The following SEMA4A variants were observed in gnomAD, a reference collection of about 807,000 sequenced individuals.
SEMA4A encodes the protein semaphorin 4A.
SEMA4A carries 52 observed loss-of-function variants against 72.5 expected under a neutral mutation model. The ratio of observed to expected loss-of-function variants is 0.72; its 90% CI spans 0.57 to 0.90. SEMA4A has a LOEUF of 0.90. Among genes scored for constraint, SEMA4A ranks in the 40% least tolerant of loss-of-function variants. The pLI, the probability that SEMA4A is intolerant of heterozygous loss-of-function variation, is 0.00. For missense variants in SEMA4A, 926 were observed against 959.7 expected (o/e 0.96, Z 0.46); for synonymous variants, 369 against 393.1 (o/e 0.94, Z 0.73).
chr1:156,158,698 C>G (rs145205202), intron 5 of SEMA4A, 21 bp from the exon 6 acceptor site: 3 of 1,592,290 alleles, frequency 1.9e-6, no homozygotes, highest in Non-Finnish European at 8.6e-7. Context: ...TTCTGGCCCC[C>G]CAGCCTCTCT....
chr1:156,162,913 C>A, intron 9 of SEMA4A, 31 bp from the exon 10 acceptor site: 1 of 1,612,518 alleles, frequency 6.2e-7, no homozygotes, highest in South Asian at 1.1e-5. Context: ...TGGCAGAGAC[C>A]ACAGACAATG....
At chr1:156,159,131 T>C in intron 6 of SEMA4A, 1 of 397,128 alleles carries the variant, frequency 2.5e-6, no homozygotes, top group South Asian at 2.4e-5. Context: ...CCCAGGAGTC[T>C]GAGACCAGCC....
chr1:156,175,081 T>C lies in SEMA4A; in HGVS notation c.1435-5T>C. 5 of 1,614,136 alleles carry C rather than the reference T, an allele frequency of 3.1e-6. No individual in the cohort carries two copies. Among genetic ancestry groups the C allele is most frequent in the Non-Finnish European group, 4.2e-6 (5 of 1,180,002 alleles). Reference sequence around the variant, plus strand: ...GCTCCCTGACAATCTCCATCTCTCTTCCAGGGTGCAGTGTTTGTAGGCTTC... The same window carrying C: ...GCTCCCTGACAATCTCCATCTCTCTCCCAGGGTGCAGTGTTTGTAGGCTTC... On this transcript the variant is annotated splice_polypyrimidine_tract_variant and splice_region_variant and intron_variant, in intron 12 of 14. Coordinates refer to ENST00000368285, the MANE Select transcript of SEMA4A (RefSeq NM_022367.4).
chr1:156,161,205 C>T, intron 8 of SEMA4A, 141 bp from the exon 9 acceptor site: 1 of 363,066 alleles, frequency 2.8e-6, no homozygotes, highest in East Asian at 5.7e-5. Context: ...GGGGGACAAG[C>T]GTGGCTGAGG....
In SEMA4A at chr1:156,154,677, A is replaced by T. The variant is rs765496404; in HGVS notation, c.99A>T (p.Gly33=). ...TGCTGCCGACGACGACCGCGGGGGG[A>T]GGCGGGCAGGGGCCCATGCCCAGGG... ...QLLLPTTTAG[G]GGQGPMPRVR... The change falls in exon 2 of 15, where the codon GGA becomes GGT. Residue 33 remains glycine (G), a synonymous_variant. Transcript: ENST00000368285. The T allele has an allele frequency of 3.8e-6, 6 of 1,596,140 alleles. No homozygotes were observed. The highest frequency in any genetic ancestry group is 4.3e-6 in the Non-Finnish European group (5 of 1,171,948).
At chr1:156,156,630 T>G (rs1653061789) in intron 3 of SEMA4A, 56 bp downstream of exon 3, 1 of 1,580,074 alleles carries the variant, frequency 6.3e-7, no homozygotes, top group Non-Finnish European at 8.7e-7. Context: ...GGCCGGCAGC[T>G]ACCCTGGGCT....
intron 10 of SEMA4A, among the ~76,000 whole-genome samples, chr1:156,168,126 G>T (rs1654353199): frequency 6.6e-6 from 1 of 152,064 alleles, no homozygotes; most frequent in African/African-American, 2.4e-5. Flanking sequence ...ATTTCACCAT[G>T]TTGGCCAGGC....
chr1:156,175,542 C>T lies in SEMA4A; in HGVS notation c.1593-14C>T. On this transcript the variant is annotated splice_polypyrimidine_tract_variant and intron_variant, in intron 13 of 14. Coordinates refer to ENST00000368285, the MANE Select transcript of SEMA4A (RefSeq NM_022367.4). ...TCTTTTGAAGGATAATTTTTACTTT[C>T]TCTGCTCTCTTAGGAACTCCTGGAA... 7 of 1,601,554 alleles carry T rather than the reference C, an allele frequency of 4.4e-6. No homozygotes were observed. The highest frequency in any genetic ancestry group is 6.0e-6 in the Non-Finnish European group (7 of 1,169,964).
At position 156,160,983 on chromosome 1, in the gene SEMA4A, ACTT is replaced by A. The variant is rs761525288; in HGVS notation, c.768_770del (p.Phe257del). On this transcript the variant is annotated inframe_deletion, in exon 8 of 15. Transcript: ENST00000368285. ...TTCGAGGAGACAGCCAGCGAGTTTG[ACTT>A]CTTTGAGAGGCTCCACACATCGCGG... is the stretch of plus-strand genomic sequence containing the variant. 1.2e-6 allele frequency: 2 copies of A among 1,607,350 alleles called. No individual in the cohort carries two copies. Among genetic ancestry groups the A allele is most frequent in the Non-Finnish European group, 1.7e-6 (2 of 1,177,454 alleles).
chr1:156,151,198 A>G (rs79954048), upstream of SEMA4A, among the ~76,000 whole-genome samples: 200 of 152,316 alleles, frequency 1.3e-3, 2 homozygotes, highest in African/African-American at 4.5e-3. Flanking sequence ...CCCCTTGTTT[A>G]AGTATTATGA....
At chr1:156,175,408 G>T (rs1655219824) in intron 13 of SEMA4A, 148 bp from the exon 14 acceptor site, 1 of 1,150,498 alleles carries the variant, frequency 8.7e-7, no homozygotes, top group Non-Finnish European at 1.3e-6. Context: ...AGGCAGTTTT[G>T]AAGCTGCTCT....
chr1:156,160,398 A>G (rs2102954457), intron 6 of SEMA4A, 45 bp from the exon 7 acceptor site: 6 of 1,437,976 alleles, frequency 4.2e-6, no homozygotes, highest in Non-Finnish European at 5.9e-6. Context: ...GGGCAGAGGA[A>G]CCCTCCACCC....
rs1040228519 is a variant in SEMA4A, at chr1:156,163,032, A to G, written c.1072A>G (p.Asn358Asp). 6.2e-7 allele frequency: 1 copy of G among 1,614,180 alleles called. No individual in the cohort carries two copies. The highest frequency in any genetic ancestry group is 8.5e-7 in the Non-Finnish European group (1 of 1,180,030). ...RVFKGKYKEL[N>D]KETSRWTTYR... The stretch of plus-strand genomic sequence containing the variant: ...CTTTAAGGGGAAATACAAAGAGTTG[A>G]ACAAAGAAACTTCACGCTGGACTAC... The change falls in exon 10 of 15, where the codon AAC becomes GAC. Residue 358 changes from asparagine to aspartate, a missense_variant. Asn to Asp is a conservative substitution (Grantham distance 23). Coordinates refer to ENST00000368285, the MANE Select transcript of SEMA4A (RefSeq NM_022367.4).
chr1:156,175,076 T>A lies in SEMA4A; in HGVS notation c.1435-10T>A. The A allele has an allele frequency of 6.2e-7, 1 of 1,614,114 alleles. No individual in the cohort carries two copies. Among genetic ancestry groups the A allele is most frequent in the South Asian group, 1.1e-5 (1 of 91,084 alleles). The stretch of plus-strand genomic sequence containing the variant: ...CTGGGGCTCCCTGACAATCTCCATC[T>A]CTCTTCCAGGGTGCAGTGTTTGTAG... On this transcript the variant is annotated splice_polypyrimidine_tract_variant and intron_variant, in intron 12 of 14. Transcript: ENST00000368285.
chr1:156,160,576 C>T lies in SEMA4A; in HGVS notation c.685+17C>T, dbSNP rs761889239. On this transcript the variant is annotated intron_variant, in intron 7 of 14. Coordinates refer to ENST00000368285, the MANE Select transcript of SEMA4A (RefSeq NM_022367.4). ...GGCTGCATCGTAAGGACCTGACCCCCGCTGGCCTCCTTTCCTGAGTCCTGG... is the reference window on the plus strand; with the variant it reads ...GGCTGCATCGTAAGGACCTGACCCCTGCTGGCCTCCTTTCCTGAGTCCTGG... 5 of 1,600,122 alleles carry T rather than the reference C, an allele frequency of 3.1e-6. No individual in the cohort carries two copies. The highest frequency in any genetic ancestry group is 1.1e-5 in the South Asian group (1 of 90,784).
intron 10 of SEMA4A, among the ~76,000 whole-genome samples, chr1:156,168,506 G>A (rs981846540): frequency 6.6e-6 from 1 of 152,276 alleles, no homozygotes; most frequent in East Asian, 1.9e-4. Flanking sequence ...TTACAGGCAT[G>A]AGCCACCATG....
In SEMA4A at chr1:156,172,861, C is replaced by T. The variant is rs182904522; in HGVS notation, c.1170C>T (p.Thr390=). 1.5e-5 allele frequency: 25 copies of T among 1,614,174 alleles called. No individual in the cohort carries two copies. The East Asian group carries it at 5.6e-4, about 36-fold the overall frequency. The change falls in exon 11 of 15, where the codon ACC becomes ACT. Residue 390 remains threonine, a synonymous_variant. Coordinates refer to ENST00000368285, the MANE Select transcript of SEMA4A (RefSeq NM_022367.4). The part of the protein sequence containing the change: ...SVGPSSDKAL[T]FMKDHFLMDE... The stretch of plus-strand genomic sequence containing the variant: ...GCCCCTCCTCTGATAAGGCCCTGAC[C>T]TTCATGAAGGACCATTTCCTGATGG...
intron 10 of SEMA4A, among the ~76,000 whole-genome samples, chr1:156,167,517 A>AAAAATATT (rs1449058231): frequency 1.3e-5 from 2 of 151,792 alleles, no homozygotes; most frequent in East Asian, 3.9e-4. Context: ...AAAGAAAAAG[A>AAAAATATT]AAAATATTTA....
chr1:156,154,814 T>C, intron 2 of SEMA4A, 97 bp downstream of exon 2: 1 of 1,394,606 alleles, frequency 7.2e-7, no homozygotes, highest in Non-Finnish European at 9.8e-7. Flanking sequence ...GAAATGGATA[T>C]GGAGAAACAG....
Sources: gnomAD v4.1 joint callset for allele counts (sites outside exome capture counted in the v4.1 genomes callset) on GRCh38, gnomAD v4.1.1 for gene constraint, MANE v1.5 for transcripts, NCBI Gene and HGNC (gene_info 2026-07-23, HGNC 2026-07-21) for gene names.